DCLK1: variants seen among roughly 807,000 people sequenced by gnomAD.
DCLK1 encodes serine/threonine-protein kinase DCLK1.
DCLK1 carries 16 observed loss-of-function variants against 86.2 expected under a neutral mutation model. That is an observed-to-expected ratio of 0.19 (90% CI 0.13 to 0.28). The LOEUF is 0.28. Ranked by LOEUF, DCLK1 falls within the 10% of genes least tolerant of loss-of-function variation. DCLK1 has a pLI of 1.00. For missense variants in DCLK1, 590 were observed against 940.2 expected, an observed-to-expected ratio of 0.63 and a Z score of 4.87; for synonymous variants, 369 against 370.5, an observed-to-expected ratio of 1.00 and a Z score of 0.05.
intron 4 of DCLK1, among the ~76,000 whole-genome samples, chr13:35,897,534 G>A (rs555541953): frequency 2.1e-3 from 321 of 152,298 alleles, no homozygotes; most frequent in Non-Finnish European, 3.3e-3. Context: ...ATGGCAAGTG[G>A]AGTCATGATA....
intron 6 of DCLK1, among the ~76,000 whole-genome samples, chr13:35,840,490 G>A (rs955907104): frequency 3.9e-5 from 6 of 152,208 alleles, no homozygotes; most frequent in African/African-American, 1.4e-4. Context: ...TGGGATGAAA[G>A]TTAAAGTAAT....
chr13:35,942,464 T>C (rs1877139955), intron 4 of DCLK1, among the ~76,000 whole-genome samples: 2 of 152,210 alleles, frequency 1.3e-5, no homozygotes, highest in African/African-American at 4.8e-5. Flanking sequence ...ATTACAGGCA[T>C]GAGCCACTGC....
At chr13:35,883,331 C>A (rs544188607) in intron 4 of DCLK1, among the ~76,000 whole-genome samples, 2 of 152,194 alleles carry the variant, frequency 1.3e-5, no homozygotes, top group Admixed American at 1.3e-4. Flanking sequence ...AGTGTGTTCT[C>A]GCTCTGTTAG....
intron 6 of DCLK1, chr13:35,848,904 G>A (rs1406634359): frequency 1.9e-5 from 19 of 985,238 alleles, no homozygotes; most frequent in Non-Finnish European, 2.3e-5. Context: ...GATGTTTACT[G>A]TTTCAGCTAA....
intron 3 of DCLK1, among the ~76,000 whole-genome samples, chr13:36,023,901 C>CTTTTT (rs59071937): frequency 0.015 from 1,869 of 128,448 alleles, 45 homozygotes; most frequent in Non-Finnish European, 0.023. Context: ...TTCTTTCTTT[C>CTTTTT]TTTTTTTTTT....
chr13:35,960,242 T>G (rs1158566073), intron 3 of DCLK1, among the ~76,000 whole-genome samples: 1 of 152,130 alleles, frequency 6.6e-6, no homozygotes, highest in Non-Finnish European at 1.5e-5. Context: ...GCTACCAACT[T>G]CACCTTAAAA....
chr13:35,947,231 A>T, intron 4 of DCLK1, 127 bp downstream of exon 4: 1 of 573,754 alleles, frequency 1.7e-6, no homozygotes, highest in Non-Finnish European at 3.0e-6. Context: ...GATATGGAAA[A>T]GACACGCTGG....
In DCLK1 at chr13:35,941,862, C is replaced by T. The variant is rs116817549; in HGVS notation, c.823+5496G>A. Among the ~76,000 whole-genome samples, 931 of 152,172 alleles carry T rather than the reference C, an allele frequency of 6.1e-3. 11 individuals are homozygous for T. The highest frequency in any genetic ancestry group is 0.021 in the African/African-American group (877 of 41,504). On this transcript the variant is annotated intron_variant, in intron 4 of 16. Coordinates refer to ENST00000360631, the MANE Select transcript of DCLK1 (RefSeq NM_001330071.2). ...ATAAAAATATGATACCCCTACAATC[C>T]ACACACAAATGACCCATATCACATA...
At chr13:35,789,195 C>G (rs755700609) in intron 16 of DCLK1, among the ~76,000 whole-genome samples, 1 of 152,154 alleles carries the variant, frequency 6.6e-6, no homozygotes, top group African/African-American at 2.4e-5. Flanking sequence ...CACCTTTCTT[C>G]AGAGGGGCTC....
chr13:36,031,493 A>AT (rs1280995486), intron 3 of DCLK1, among the ~76,000 whole-genome samples: 1 of 152,240 alleles, frequency 6.6e-6, no homozygotes, highest in East Asian at 1.9e-4. Context: ...GTGTTCGTAC[A>AT]TATGTCATCA....
chr13:35,870,380 C>T (rs1321217383), intron 5 of DCLK1, among the ~76,000 whole-genome samples: 3 of 152,146 alleles, frequency 2.0e-5, no homozygotes, highest in Admixed American at 1.3e-4. Flanking sequence ...CTTAGGCAGC[C>T]TCAGCCGAGA....
intron 7 of DCLK1, 124 bp downstream of exon 7, chr13:35,838,968 G>A: frequency 1.2e-6 from 1 of 820,592 alleles, no homozygotes. Flanking sequence ...ATCCCCTTGT[G>A]ATTGACCCTC....
intron 4 of DCLK1, among the ~76,000 whole-genome samples, chr13:35,914,197 T>C (rs971646637): frequency 5.9e-5 from 9 of 151,394 alleles, no homozygotes; most frequent in African/African-American, 1.9e-4. Flanking sequence ...CATGTGCCTA[T>C]AGTCCCAGCT....
intron 3 of DCLK1, among the ~76,000 whole-genome samples, chr13:36,008,139 ATTT>A (rs777909367): frequency 3.9e-5 from 4 of 102,168 alleles, no homozygotes; most frequent in Non-Finnish European, 5.9e-5. Context: ...TCTCTCTAAA[ATTT>A]TTTTTTTTTT....
chr13:35,908,025 G>A (rs888771053), intron 4 of DCLK1, among the ~76,000 whole-genome samples: 5 of 151,730 alleles, frequency 3.3e-5, no homozygotes, highest in Non-Finnish European at 5.9e-5. Flanking sequence ...TAGTCTAGAC[G>A]TATTCATACC....
At chr13:35,864,666 T>G (rs1203141172) in intron 5 of DCLK1, among the ~76,000 whole-genome samples, 4 of 150,854 alleles carry the variant, frequency 2.7e-5, no homozygotes, top group Admixed American at 2.6e-4. Flanking sequence ...TTTTTTTTTT[T>G]TTTTGGAATG....
At chr13:36,069,095 A>T (rs1177505016) in intron 3 of DCLK1, among the ~76,000 whole-genome samples, 1 of 152,204 alleles carries the variant, frequency 6.6e-6, no homozygotes. Flanking sequence ...ACACTTAGCA[A>T]TAATTTCTAT....
chr13:35,960,434 G>T (rs956303879), intron 3 of DCLK1, among the ~76,000 whole-genome samples: 1 of 152,172 alleles, frequency 6.6e-6, no homozygotes, highest in Non-Finnish European at 1.5e-5. Context: ...AGGGGTTTAG[G>T]ACATCAGAGT....
chr13:35,829,824 C>A (rs1207094511), intron 8 of DCLK1, among the ~76,000 whole-genome samples: 1 of 152,148 alleles, frequency 6.6e-6, no homozygotes, highest in African/African-American at 2.4e-5. Context: ...TGCAGATATG[C>A]GGCTGTCCAG....
Sources: allele counts gnomAD v4.1 joint callset (sites outside exome capture counted in the v4.1 genomes callset), GRCh38; gene constraint gnomAD v4.1.1; transcripts MANE v1.5; gene names NCBI Gene and HGNC (gene_info 2026-07-23, HGNC 2026-07-21).